Variants in LRIG1 observed in about 807,000 individuals in gnomAD.
LRIG1 encodes the protein leucine rich repeats and immunoglobulin like domains 1.
LRIG1 carries 48 observed loss-of-function variants against 99.2 expected under a neutral mutation model. The ratio of observed to expected loss-of-function variants is 0.48; its 90% CI spans 0.38 to 0.62. LRIG1 has a LOEUF of 0.62. LRIG1 is among the 20% of genes least tolerant of loss of function. The pLI is 0.00. For synonymous variants in LRIG1, 772 were observed against 596.1 expected (o/e 1.29, Z -4.30); for missense variants, 1,646 against 1,434.4 (o/e 1.15, Z -2.38).
intron 1 of LRIG1, among the ~76,000 whole-genome samples, chr3:66,479,911 CAT>C (rs1316643416): frequency 2.0e-5 from 3 of 152,222 alleles, no homozygotes; most frequent in African/African-American, 4.8e-5. Context: ...AAAAGTCAAA[CAT>C]AGAATTGCCA....
At chr3:66,419,168 G>T (rs1294984278) in intron 3 of LRIG1, among the ~76,000 whole-genome samples, 1 of 152,140 alleles carries the variant, frequency 6.6e-6, no homozygotes, top group Non-Finnish European at 1.5e-5. Flanking sequence ...GCCCAGAAAG[G>T]CACAAAGAGG....
intron 3 of LRIG1, among the ~76,000 whole-genome samples, chr3:66,423,564 T>C (rs1459175734): frequency 6.6e-6 from 1 of 152,100 alleles, no homozygotes; most frequent in East Asian, 1.9e-4. Context: ...AGAGCAAAAC[T>C]CCATCTCAAA....
intron 3 of LRIG1, among the ~76,000 whole-genome samples, chr3:66,446,148 G>GAGTTA (rs1703713329): frequency 6.6e-6 from 1 of 152,090 alleles, no homozygotes; most frequent in South Asian, 2.1e-4. Context: ...GGTACTCAGA[G>GAGTTA]AGTTAAGTAT....
chr3:66,418,326 C>G (rs1407028976), intron 3 of LRIG1, among the ~76,000 whole-genome samples: 1 of 152,188 alleles, frequency 6.6e-6, no homozygotes, highest in Non-Finnish European at 1.5e-5. Flanking sequence ...ATCTCCTGAC[C>G]TCATGATCCA....
intron 12 of LRIG1, among the ~76,000 whole-genome samples, chr3:66,391,083 G>C (rs921220405): frequency 6.6e-6 from 1 of 152,088 alleles, no homozygotes; most frequent in Non-Finnish European, 1.5e-5. Context: ...TTAATCATTA[G>C]GGAAGTGCAA....
At chr3:66,380,521 C>G (rs750220401) in intron 18 of LRIG1, 32 bp from the exon 19 acceptor site, 15 of 1,613,816 alleles carry the variant, frequency 9.3e-6, no homozygotes, top group Non-Finnish European at 8.5e-7. Flanking sequence ...GTCAGACCCC[C>G]ACTTGACCGT....
At chr3:66,422,941 G>T (rs1355830780) in intron 3 of LRIG1, among the ~76,000 whole-genome samples, 5 of 152,138 alleles carry the variant, frequency 3.3e-5, no homozygotes, top group Admixed American at 6.5e-5. Flanking sequence ...TTTGTGCAGG[G>T]AAACTCCAGT....
chr3:66,451,212 A>G (rs1306734216), intron 3 of LRIG1, among the ~76,000 whole-genome samples: 2 of 152,176 alleles, frequency 1.3e-5, no homozygotes, highest in Non-Finnish European at 2.9e-5. Flanking sequence ...TTGCTGTCTT[A>G]TAACTGACAC....
At chr3:66,453,555 G>A (rs924690578) in intron 2 of LRIG1, among the ~76,000 whole-genome samples, 2 of 152,212 alleles carry the variant, frequency 1.3e-5, no homozygotes, top group Middle Eastern at 6.8e-3. Flanking sequence ...GACATGCCTC[G>A]TGCACTTTCA....
intron 3 of LRIG1, among the ~76,000 whole-genome samples, chr3:66,418,488 G>T (rs781659609): frequency 1.3e-5 from 2 of 152,232 alleles, no homozygotes; most frequent in Non-Finnish European, 2.9e-5. Context: ...AAGGCTAGAG[G>T]TAGCTAACCG....
intron 1 of LRIG1, among the ~76,000 whole-genome samples, chr3:66,475,564 A>G (rs1181295816): frequency 6.6e-6 from 1 of 152,254 alleles, no homozygotes; most frequent in Non-Finnish European, 1.5e-5. Flanking sequence ...TCCCAGGTCT[A>G]GTCCGCATGG....
chr3:66,451,680 C>G lies in LRIG1; in HGVS notation c.291-47G>C, dbSNP rs763094817. 4.3e-6 allele frequency: 6 copies of G among 1,404,222 alleles called. No homozygotes were observed. In the East Asian group the frequency reaches 1.4e-4, roughly 32 times the overall value. The allele number at this position is 1,404,222 out of a possible 1,614,324, so 87.0% of individuals were successfully genotyped here. A position where few individuals can be genotyped will look rare whatever the true frequency, so the allele number is the denominator to read the frequency against. ...AATCATGTAAGGCATTTGAATTAGT[C>G]TGAAATCATACACATACAACAGAAA... is the stretch of plus-strand genomic sequence containing the variant. On this transcript the variant is annotated intron_variant, in intron 2 of 18. Transcript: ENST00000273261.
At chr3:66,403,667 G>T (rs1702149397) in intron 9 of LRIG1, among the ~76,000 whole-genome samples, 1 of 152,208 alleles carries the variant, frequency 6.6e-6, no homozygotes, top group South Asian at 2.1e-4. Flanking sequence ...AGCACTGGAA[G>T]CCCAGGCGAC....
intron 15 of LRIG1, 137 bp from the exon 16 acceptor site, chr3:66,382,535 A>G (rs1032770663): frequency 1.8e-5 from 18 of 1,022,776 alleles, no homozygotes; most frequent in Middle Eastern, 2.2e-4. Flanking sequence ...CATGGAGTCC[A>G]TGTACGCAAC....
intron 1 of LRIG1, among the ~76,000 whole-genome samples, chr3:66,477,157 C>T (rs1367844194): frequency 6.6e-6 from 1 of 152,198 alleles, no homozygotes; most frequent in Non-Finnish European, 1.5e-5. Context: ...CACAAACCAA[C>T]TAACATTCAT....
intron 1 of LRIG1, among the ~76,000 whole-genome samples, chr3:66,499,699 C>G (rs1293557098): frequency 6.6e-6 from 1 of 152,100 alleles, no homozygotes; most frequent in Admixed American, 6.5e-5. Context: ...AGACTGGACC[C>G]AACAGTCACC....
chr3:66,452,395 G>A (rs1703936562), intron 2 of LRIG1, among the ~76,000 whole-genome samples: 2 of 152,230 alleles, frequency 1.3e-5, no homozygotes, highest in African/African-American at 4.8e-5. Flanking sequence ...CCCAGAGGCT[G>A]TGCAATCTGG....
rs140780273 is a variant in LRIG1 at position 66,394,552 on chromosome 3, C to T, written c.1305-349G>A. Among the ~76,000 whole-genome samples the T allele has an allele frequency of 2.9e-3, 447 of 152,304 alleles. 1 individual carries two copies. Among genetic ancestry groups the T allele is most frequent in the African/African-American group, 0.01 (436 of 41,560 alleles). ...GCCATGTTCTGGGACAGACACTGTTCCTGTGTGACCCTGGGCTGCCTTCTG... is the reference window on the plus strand; with the variant it reads ...GCCATGTTCTGGGACAGACACTGTTTCTGTGTGACCCTGGGCTGCCTTCTG... On this transcript the variant is annotated intron_variant, in intron 11 of 18. Coordinates refer to ENST00000273261, the MANE Select transcript of LRIG1 (RefSeq NM_015541.3).
At chr3:66,454,733 G>A (rs2106817334) in intron 2 of LRIG1, among the ~76,000 whole-genome samples, 1 of 152,316 alleles carries the variant, frequency 6.6e-6, no homozygotes, top group South Asian at 2.1e-4. Flanking sequence ...GAACCTAGGG[G>A]TGGGTCCTTT....
Sources: gnomAD v4.1 joint callset for allele counts (sites outside exome capture counted in the v4.1 genomes callset) on GRCh38, gnomAD v4.1.1 for gene constraint, MANE v1.5 for transcripts, NCBI Gene and HGNC (gene_info 2026-07-23, HGNC 2026-07-21) for gene names.